The following MEGF6 variants were observed in gnomAD, a reference collection of about 807,000 sequenced individuals.
MEGF6 encodes multiple epidermal growth factor-like domains protein 6.
MEGF6 carries 184 observed loss-of-function variants against 207.1 expected under a neutral mutation model. The ratio of observed to expected loss-of-function variants is 0.89; its 90% confidence interval spans 0.79 to 1.00. MEGF6 has a LOEUF of 1.00. Among genes scored for constraint, MEGF6 ranks in the 50% least tolerant of loss-of-function variants. The pLI is 0.00. For missense variants in MEGF6, 2,282 were observed against 2,202.9 expected (o/e 1.04, Z -0.72); for synonymous variants, 1,038 against 910.0 (o/e 1.14, Z -2.53).
intron 7 of MEGF6, 113 bp downstream of exon 7, chr1:3,514,437 A>C: frequency 7.4e-7 from 1 of 1,347,190 alleles, no homozygotes; most frequent in Non-Finnish European, 9.8e-7. Flanking sequence ...GCAAGGCCAA[A>C]GGGCCTGGTC....
At chr1:3,544,859 G>C (rs1330184096) in intron 4 of MEGF6, among the ~76,000 whole-genome samples, 1 of 152,186 alleles carries the variant, frequency 6.6e-6, no homozygotes, top group African/African-American at 2.4e-5. Context: ...AGCCCATCTG[G>C]AGCTGGGGGC....
chr1:3,531,313 G>A, intron 4 of MEGF6: 2 of 1,241,758 alleles, frequency 1.6e-6, no homozygotes, highest in Non-Finnish European at 2.0e-6. Context: ...CGGCGGCCGG[G>A]CGACGGGGCA....
chr1:3,499,190 GACAGGGTC>G lies in MEGF6; in HGVS notation c.3034_3041del (p.Asp1012ProfsTer41), dbSNP rs921587151. ...CAGGGGCACAGTGGCACTGCCCGTG[GACAGGGTC>G]ACAGGAGGCCCCGTTAAAGCAGGCA... On this transcript the variant is annotated frameshift_variant, in exon 24 of 37. Transcript: ENST00000356575. LOFTEE classifies it high-confidence loss of function. The G allele has an allele frequency of 6.2e-7, 1 of 1,604,226 alleles. No homozygotes were observed. Among genetic ancestry groups the G allele is most frequent in the Non-Finnish European group, 8.5e-7 (1 of 1,176,708 alleles).
Position 3,535,321 on chromosome 1 carries a change from C to T in MEGF6, c.482-11075G>A, listed in dbSNP as rs1642293132. ...GTTCAGGCAAAGGAAATTGTCTTTTCTGCCCCAAAACCCCCAAGAGCTATG... is the reference window on the plus strand; with the variant it reads ...GTTCAGGCAAAGGAAATTGTCTTTTTTGCCCCAAAACCCCCAAGAGCTATG... On this transcript the variant is annotated intron_variant, in intron 4 of 36. Transcript: ENST00000356575. Among the ~76,000 whole-genome samples the T allele has an allele frequency of 2.0e-5, 3 of 152,290 alleles. No homozygotes were observed. The South Asian group carries it at 6.2e-4, about 32-fold the overall frequency.
At chr1:3,536,197 T>C (rs1642322738) in intron 4 of MEGF6, among the ~76,000 whole-genome samples, 1 of 151,938 alleles carries the variant, frequency 6.6e-6, no homozygotes, top group Admixed American at 6.6e-5. Context: ...CTGCAAAGCC[T>C]CCCCAGCTGG....
At chr1:3,601,612 C>T (rs1644160550) in intron 2 of MEGF6, among the ~76,000 whole-genome samples, 1 of 152,176 alleles carries the variant, frequency 6.6e-6, no homozygotes. Context: ...CCCAGCTCAC[C>T]TGTCACCAAA....
At chr1:3,598,130 C>T (rs1644098078) in intron 2 of MEGF6, among the ~76,000 whole-genome samples, 4 of 152,162 alleles carry the variant, frequency 2.6e-5, no homozygotes, top group African/African-American at 7.2e-5. Flanking sequence ...TCTGCAGGGG[C>T]GGTGACCAGG....
chr1:3,495,898 C>CCGTTGAGGG lies in MEGF6; in HGVS notation c.3862_3863insCCCTCAACG (p.Cys1288delinsSerLeuAsnGly), dbSNP rs752785229. 6.3e-7 allele frequency: 1 copy of CCGTTGAGGG among 1,598,294 alleles called. No individual in the cohort carries two copies. The highest frequency in any genetic ancestry group is 1.1e-5 in the South Asian group (1 of 90,758). On this transcript the variant is annotated protein_altering_variant, in exon 30 of 37. Coordinates refer to ENST00000356575, the MANE Select transcript of MEGF6 (RefSeq NM_001409.4). ...CTGGAGTGAACACTCACCTCGCTCA[C>CCGTTGAGGG]AGCGGACGCCGGCTCTCCCCGGGGG...
intron 1 of MEGF6, among the ~76,000 whole-genome samples, chr1:3,608,541 A>G (rs1644284050): frequency 6.6e-6 from 1 of 152,210 alleles, no homozygotes; most frequent in South Asian, 2.1e-4. Flanking sequence ...CCTGGAGGGA[A>G]GGCATCATAT....
intron 4 of MEGF6, among the ~76,000 whole-genome samples, chr1:3,542,569 G>A (rs191114834): frequency 2.0e-5 from 3 of 152,296 alleles, no homozygotes; most frequent in East Asian, 1.9e-4. Context: ...AGCCCAGGCC[G>A]AGGGGAAGAT....
intron 4 of MEGF6, among the ~76,000 whole-genome samples, chr1:3,569,788 C>A (rs1469915967): frequency 6.6e-6 from 1 of 152,200 alleles, no homozygotes; most frequent in African/African-American, 2.4e-5. Context: ...GTTGGGGGAG[C>A]CTACAGAAGC....
chr1:3,501,319 C>A lies in MEGF6; in HGVS notation c.2315-11G>T. On this transcript the variant is annotated splice_polypyrimidine_tract_variant and intron_variant, in intron 18 of 36. Coordinates refer to ENST00000356575, the MANE Select transcript of MEGF6 (RefSeq NM_001409.4). ...GGCCCTCGGGACAATCTAGTGCCCA[C>A]CCCCATGGCCAGTCAGTGCCCAAGC... 1 of 1,588,802 alleles carries A rather than the reference C, an allele frequency of 6.3e-7. No homozygotes were observed. Among genetic ancestry groups the A allele is most frequent in the Non-Finnish European group, 8.6e-7 (1 of 1,167,846 alleles).
chr1:3,500,870 C>T (rs1640829853), intron 20 of MEGF6, 96 bp downstream of exon 20: 12 of 1,596,166 alleles, frequency 7.5e-6, no homozygotes, highest in Non-Finnish European at 9.4e-6. Context: ...AGGCCTCCTG[C>T]AAGCCCCTAG....
At chr1:3,587,553 C>T (rs1386229672) in intron 3 of MEGF6, among the ~76,000 whole-genome samples, 1 of 152,226 alleles carries the variant, frequency 6.6e-6, no homozygotes, top group Admixed American at 6.5e-5. Context: ...CGGGAGCCTG[C>T]GTGCCTGCGG....
chr1:3,601,384 G>T (rs918190586), intron 2 of MEGF6, among the ~76,000 whole-genome samples: 2 of 152,264 alleles, frequency 1.3e-5, no homozygotes, highest in Non-Finnish European at 2.9e-5. Context: ...ATGGGTGACA[G>T]TCAGGACAGA....
chr1:3,511,955 G>A, intron 8 of MEGF6, 51 bp downstream of exon 8: 3 of 1,609,948 alleles, frequency 1.9e-6, no homozygotes, highest in Non-Finnish European at 2.5e-6. Flanking sequence ...GTCCTGGGGA[G>A]CAGCATGGCC....
intron 4 of MEGF6, among the ~76,000 whole-genome samples, chr1:3,571,207 G>A (rs915007252): frequency 1.3e-5 from 2 of 152,026 alleles, no homozygotes; most frequent in Non-Finnish European, 2.9e-5. Flanking sequence ...ACCAGAGAGT[G>A]CTCCTCCAAG....
chr1:3,508,938 T>C, intron 12 of MEGF6, 137 bp downstream of exon 12: 1 of 1,151,756 alleles, frequency 8.7e-7, no homozygotes, highest in East Asian at 2.7e-5. Flanking sequence ...TCACCCTCTC[T>C]GGGCCTTGGT....
chr1:3,504,951 G>C (rs756914045), intron 17 of MEGF6, among the ~76,000 whole-genome samples: 9 of 152,156 alleles, frequency 5.9e-5, no homozygotes, highest in Non-Finnish European at 1.3e-4. Flanking sequence ...CCCCTCCCCA[G>C]GTCAGGCCCT....
Sources: gnomAD v4.1 joint callset for allele counts (sites outside exome capture counted in the v4.1 genomes callset) on GRCh38, gnomAD v4.1.1 for gene constraint, MANE v1.5 for transcripts, NCBI Gene and HGNC (gene_info 2026-07-23, HGNC 2026-07-21) for gene names.